Variants in PLA2G7 observed in about 807,000 individuals in gnomAD.
PLA2G7 encodes the protein phospholipase A2 group VII, also known as platelet-activating factor acetylhydrolase.
A neutral mutation model predicts 49.6 loss-of-function variants in PLA2G7; 63 were observed. The ratio of observed to expected loss-of-function variants is 1.27; its 90% confidence interval spans 1.04 to 1.57. The LOEUF is 1.57. PLA2G7 is among the 40% of genes most tolerant of loss of function. The pLI is 0.00. For synonymous variants in PLA2G7, 193 were observed against 169.9 expected (o/e 1.14, Z -1.06); for missense variants, 596 against 521.2 (o/e 1.14, Z -1.40).
intron 7 of PLA2G7, 143 bp downstream of exon 7, chr6:46,711,353 G>A: frequency 1.1e-6 from 1 of 942,198 alleles, no homozygotes; most frequent in East Asian, 2.4e-5. Flanking sequence ...TACTGCTCCA[G>A]GAATCTATTG....
chr6:46,720,149 G>A (rs1765348849), intron 2 of PLA2G7, among the ~76,000 whole-genome samples: 1 of 152,130 alleles, frequency 6.6e-6, no homozygotes, highest in Non-Finnish European at 1.5e-5. Flanking sequence ...CCTGTGCAGG[G>A]CTTGCTGCAG....
intron 10 of PLA2G7, among the ~76,000 whole-genome samples, chr6:46,705,506 C>G (rs1484194157): frequency 6.6e-6 from 1 of 152,156 alleles, no homozygotes; most frequent in Non-Finnish European, 1.5e-5. Flanking sequence ...CTTCTTCCCT[C>G]TAGAAATACA....
intron 2 of PLA2G7, 60 bp downstream of exon 2, chr6:46,722,723 C>A (rs1216041090): frequency 6.1e-6 from 6 of 991,166 alleles, no homozygotes; most frequent in South Asian, 5.2e-5. Context: ...CTTCTTGGGG[C>A]CCACTTGAAG....
chr6:46,708,852 G>A (rs1161307059), intron 9 of PLA2G7, among the ~76,000 whole-genome samples: 1 of 152,146 alleles, frequency 6.6e-6, no homozygotes, highest in East Asian at 1.9e-4. Context: ...GTTTAAGAAA[G>A]AAAATGTTCC....
intron 3 of PLA2G7, 74 bp from the exon 4 acceptor site, chr6:46,716,602 T>TTAATTAGTG (rs1765210525): frequency 1.1e-5 from 17 of 1,491,436 alleles, no homozygotes; most frequent in Non-Finnish European, 2.8e-6. Flanking sequence ...TTTTGCATAT[T>TTAATTAGTG]TAATTAGTGG....
chr6:46,716,811 T>C (rs758480484), intron 3 of PLA2G7, among the ~76,000 whole-genome samples, 164 bp downstream of exon 3: 9 of 152,116 alleles, frequency 5.9e-5, no homozygotes, highest in Non-Finnish European at 1.2e-4. Context: ...TAACAAAGAA[T>C]TGAGGAATGG....
intron 2 of PLA2G7, 58 bp downstream of exon 2, chr6:46,722,725 C>T: frequency 4.9e-6 from 5 of 1,012,580 alleles, no homozygotes; most frequent in Non-Finnish European, 7.9e-6. Context: ...TCTTGGGGCC[C>T]ACTTGAAGTA....
intron 10 of PLA2G7, among the ~76,000 whole-genome samples, chr6:46,706,486 C>A (rs147418147): frequency 2.2e-4 from 33 of 152,200 alleles, no homozygotes; most frequent in African/African-American, 7.2e-4. Flanking sequence ...GTCATAGTAG[C>A]CAAGGGAGCA....
At position 46,716,451 on chromosome 6, in the gene PLA2G7, A is replaced by T. The variant is rs1216238697; in HGVS notation, c.309T>A (p.Tyr103Ter). The T allele has an allele frequency of 6.2e-7, 1 of 1,614,086 alleles. No individual in the cohort carries two copies. The highest frequency in any genetic ancestry group is 1.7e-5 in the Admixed American group (1 of 60,026). The change falls in exon 4 of 12, where the codon TAT becomes TAA. Residue 103 changes from tyrosine to a stop codon, truncating the protein, a stop_gained. Transcript: ENST00000274793. LOFTEE classifies it high-confidence loss of function. The part of the protein sequence containing the change: ...LDTLWIPNKE[Y>*]FWGLSKFLGT... ...CAAGAAATTTGCTAAGACCCCAAAA[A>T]TATTCTTTATTTGGGATCCAAAGGG... is the stretch of plus-strand genomic sequence containing the variant.
At chr6:46,719,742 G>A (rs1284741800) in intron 2 of PLA2G7, among the ~76,000 whole-genome samples, 1 of 152,158 alleles carries the variant, frequency 6.6e-6, no homozygotes, top group Non-Finnish European at 1.5e-5. Context: ...TAAAGATGAG[G>A]TGAGAATGTA....
Position 46,711,389 on chromosome 6 carries a change from G to T in PLA2G7, c.663+107C>A, listed in dbSNP as rs141773082. On this transcript the variant is annotated intron_variant, in intron 7 of 11. Transcript: ENST00000274793. Reference sequence around the variant, plus strand: ...ACAGATCTTTTGGGAATGGGAAATAGGAGAGCTAGGAGCATAACTTGCCAG... The same window carrying T: ...ACAGATCTTTTGGGAATGGGAAATATGAGAGCTAGGAGCATAACTTGCCAG... 285 of 1,208,288 alleles carry T rather than the reference G, an allele frequency of 2.4e-4. 1 individual carries two copies. In the East Asian group the frequency reaches 6.3e-3, roughly 27 times the overall value. The allele number at this position is 1,208,288 out of a possible 1,614,324, so 74.8% of individuals were successfully genotyped here.
chr6:46,717,310 C>G (rs142920525), intron 2 of PLA2G7, among the ~76,000 whole-genome samples: 18 of 152,274 alleles, frequency 1.2e-4, no homozygotes, highest in African/African-American at 4.1e-4. Flanking sequence ...GTAGACATAG[C>G]CTTTCTCTCA....
At chr6:46,707,509 A>G (rs1764866713) in intron 10 of PLA2G7, among the ~76,000 whole-genome samples, 1 of 152,154 alleles carries the variant, frequency 6.6e-6, no homozygotes, top group Non-Finnish European at 1.5e-5. Flanking sequence ...TGTCATTGTG[A>G]CAGTGAATTC....
At chr6:46,716,109 A>G (rs1461159378) in intron 4 of PLA2G7, among the ~76,000 whole-genome samples, 1 of 152,152 alleles carries the variant, frequency 6.6e-6, no homozygotes, top group Admixed American at 6.5e-5. Context: ...TGCCTTCTCC[A>G]TGGTATGTCA....
intron 9 of PLA2G7, among the ~76,000 whole-genome samples, chr6:46,708,945 AG>A (rs1270534012): frequency 6.6e-6 from 1 of 152,164 alleles, no homozygotes; most frequent in East Asian, 1.9e-4. Context: ...TAAAGGTGGA[AG>A]GGGGAAAAAC....
chr6:46,728,960 C>T (rs1445645196), intron 1 of PLA2G7, among the ~76,000 whole-genome samples: 1 of 152,206 alleles, frequency 6.6e-6, no homozygotes, highest in Non-Finnish European at 1.5e-5. Context: ...TTCTTACCTA[C>T]TTTCTGCTTT....
intron 1 of PLA2G7, among the ~76,000 whole-genome samples, chr6:46,731,032 C>T (rs1053774159): frequency 6.6e-6 from 1 of 152,200 alleles, no homozygotes; most frequent in Non-Finnish European, 1.5e-5. Flanking sequence ...AAGTCACGAG[C>T]TGACATTTCT....
chr6:46,708,167 G>T lies in PLA2G7; in HGVS notation c.870-6C>A. The T allele has an allele frequency of 6.2e-7, 1 of 1,604,926 alleles. No homozygotes were observed. The highest frequency in any genetic ancestry group is 8.5e-7 in the Non-Finnish European group (1 of 1,171,910). Reference sequence around the variant, plus strand: ...CATCCAGGGCAATACCACATCTGTAGATATTTGTTGACAATGATGAAATTA... The same window carrying T: ...CATCCAGGGCAATACCACATCTGTATATATTTGTTGACAATGATGAAATTA... On this transcript the variant is annotated splice_polypyrimidine_tract_variant and splice_region_variant and intron_variant, in intron 9 of 11. Transcript: ENST00000274793.
At chr6:46,718,414 C>T (rs1410318029) in intron 2 of PLA2G7, among the ~76,000 whole-genome samples, 1 of 152,224 alleles carries the variant, frequency 6.6e-6, no homozygotes, top group Non-Finnish European at 1.5e-5. Flanking sequence ...GGGGTTGAAA[C>T]ATACTGAGGT....
Sources: gnomAD v4.1 joint callset for allele counts (sites outside exome capture counted in the v4.1 genomes callset) on GRCh38, gnomAD v4.1.1 for gene constraint, MANE v1.5 for transcripts, NCBI Gene and HGNC (gene_info 2026-07-23, HGNC 2026-07-21) for gene names.